TIPRL: variants seen among roughly 807,000 people sequenced by gnomAD.
TIPRL encodes TIP41-like protein.
Under a neutral mutation model 32.3 loss-of-function variants are expected in TIPRL, and 10 were observed. That is an observed-to-expected ratio of 0.31 (90% CI 0.19 to 0.52). The LOEUF is 0.52. Ranked by LOEUF, TIPRL falls within the 20% of genes least tolerant of loss-of-function variation. The pLI is 0.96. For synonymous variants in TIPRL, 100 were observed against 114.0 expected (o/e 0.88, Z 0.78); for missense variants, 250 against 328.1 (o/e 0.76, Z 1.84).
chr1:168,187,516 A>C (rs1260736355), intron 3 of TIPRL, among the ~76,000 whole-genome samples: 1 of 152,228 alleles, frequency 6.6e-6, no homozygotes, highest in African/African-American at 2.4e-5. Context: ...CAATGTGATT[A>C]CCCACTCACT....
chr1:168,191,574 G>A (rs993272698), intron 4 of TIPRL, 74 bp downstream of exon 4: 83 of 1,271,914 alleles, frequency 6.5e-5, no homozygotes, highest in Middle Eastern at 3.0e-4. Context: ...GACTCACTTT[G>A]AATAACACTG....
At chr1:168,199,795 G>A (rs896430482) in intron 6 of TIPRL, 108 bp from the exon 7 acceptor site, 1 of 1,112,184 alleles carries the variant, frequency 9.0e-7, no homozygotes, top group Admixed American at 2.5e-5. Context: ...TGCATATATT[G>A]CACCTGATTT....
intron 1 of TIPRL, among the ~76,000 whole-genome samples, chr1:168,182,743 C>A (rs1699983353): frequency 6.6e-6 from 1 of 152,208 alleles, no homozygotes; most frequent in South Asian, 2.1e-4. Context: ...TTTTATAGGA[C>A]TGCCACATTT....
chr1:168,192,792 A>G (rs898741164), intron 4 of TIPRL, among the ~76,000 whole-genome samples: 5 of 152,304 alleles, frequency 3.3e-5, no homozygotes, highest in South Asian at 2.1e-4. Flanking sequence ...AGGCTGAGGC[A>G]GGAGAATGGC....
At chr1:168,183,877 T>C in intron 1 of TIPRL, 25 bp from the exon 2 acceptor site, 1 of 1,592,274 alleles carries the variant, frequency 6.3e-7, no homozygotes, top group Non-Finnish European at 8.6e-7. Flanking sequence ...TAAAATTATC[T>C]CACCCGACTT....
chr1:168,194,067 GA>G (rs1258936795), intron 4 of TIPRL, among the ~76,000 whole-genome samples: 1 of 151,944 alleles, frequency 6.6e-6, no homozygotes, highest in African/African-American at 2.4e-5. Flanking sequence ...TTCTAAATAA[GA>G]AAAAGTATAA....
intron 3 of TIPRL, among the ~76,000 whole-genome samples, chr1:168,189,176 C>T (rs1010277653): frequency 3.3e-5 from 5 of 152,184 alleles, no homozygotes; most frequent in African/African-American, 1.2e-4. Flanking sequence ...CAGCCAAGTA[C>T]AGACTTACTT....
intron 4 of TIPRL, 93 bp downstream of exon 4, chr1:168,191,593 C>G (rs971213145): frequency 8.8e-7 from 1 of 1,136,576 alleles, no homozygotes; most frequent in African/African-American, 1.6e-5. Flanking sequence ...TGAGCCTGGC[C>G]GGGCGCGGTG....
Position 168,184,836 on chromosome 1 carries a change from A to G in TIPRL, c.342A>G (p.Thr114=), listed in dbSNP as rs1192645384. ...VIKPYDWTYT[T]DYKGTLLGES... ...AACCATATGATTGGACCTATACAACAGATTATAAGGGAACCTTACTTGGAG... is the reference window on the plus strand; with the variant it reads ...AACCATATGATTGGACCTATACAACGGATTATAAGGGAACCTTACTTGGAG... Residue 114 remains threonine, a synonymous_variant, in exon 3 of 7, where the codon ACA becomes ACG. Coordinates refer to ENST00000367833, the MANE Select transcript of TIPRL (RefSeq NM_152902.5). The G allele has an allele frequency of 5.6e-6, 9 of 1,612,452 alleles. No individual in the cohort carries two copies. The African/African-American group carries it at 9.3e-5, about 17-fold the overall frequency.
chr1:168,189,502 C>T (rs534936369), intron 3 of TIPRL, among the ~76,000 whole-genome samples: 3 of 152,182 alleles, frequency 2.0e-5, no homozygotes, highest in South Asian at 4.2e-4. Context: ...CCTGCCACCA[C>T]GATCAGCTAG....
At position 168,200,180 on chromosome 1, in the gene TIPRL, A is replaced by G. The variant is rs1700195208; in HGVS notation, c.*134A>G. 1.0e-6 allele frequency: 1 copy of G among 963,370 alleles called. No individual in the cohort carries two copies. The highest frequency in any genetic ancestry group is 2.8e-5 in the East Asian group (1 of 36,228). 59.7% of individuals were successfully genotyped at this position (963,370 alleles called of 1,614,324 possible). A position where few individuals can be genotyped will look rare whatever the true frequency, so the allele number is the denominator to read the frequency against. On this transcript the variant is annotated 3_prime_UTR_variant, in exon 7 of 7. Coordinates refer to ENST00000367833, the MANE Select transcript of TIPRL (RefSeq NM_152902.5). ...CTGTAGCCTTAAAGGAAAAAAAAAT[A>G]AAGATCGTTACAGGCAGGTTTCACT...
intron 3 of TIPRL, among the ~76,000 whole-genome samples, chr1:168,186,167 A>G (rs1700025636): frequency 6.6e-6 from 1 of 150,872 alleles, no homozygotes; most frequent in Admixed American, 6.6e-5. Context: ...TTGTGAAGTT[A>G]GCTGCATTTT....
intron 1 of TIPRL, among the ~76,000 whole-genome samples, chr1:168,180,569 A>G (rs981796178): frequency 6.6e-6 from 1 of 152,248 alleles, no homozygotes; most frequent in African/African-American, 2.4e-5. Flanking sequence ...AGGTCATAAA[A>G]TAGAACCCTA....
chr1:168,196,484 A>G, intron 4 of TIPRL, 63 bp from the exon 5 acceptor site: 1 of 1,216,718 alleles, frequency 8.2e-7, no homozygotes, highest in South Asian at 1.8e-5. Context: ...TTTTTCTTTC[A>G]GCAAAGTAAT....
At chr1:168,192,660 A>C (rs1384688157) in intron 4 of TIPRL, among the ~76,000 whole-genome samples, 1 of 152,218 alleles carries the variant, frequency 6.6e-6, no homozygotes, top group Non-Finnish European at 1.5e-5. Flanking sequence ...GCACTTTGGG[A>C]GGCCGAGGCG....
At chr1:168,183,150 G>A (rs1385962553) in intron 1 of TIPRL, among the ~76,000 whole-genome samples, 2 of 151,786 alleles carry the variant, frequency 1.3e-5, no homozygotes, top group South Asian at 2.1e-4. Flanking sequence ...TTAAACATTT[G>A]TAATGGTTCC....
intron 1 of TIPRL, 86 bp downstream of exon 1, chr1:168,179,267 C>G: frequency 8.3e-7 from 1 of 1,208,632 alleles, no homozygotes; most frequent in Non-Finnish European, 1.2e-6. Flanking sequence ...AGCCCCTCCC[C>G]TTTTCCCTGA....
intron 3 of TIPRL, 105 bp from the exon 4 acceptor site, chr1:168,191,264 T>C (rs2102310385): frequency 9.6e-7 from 1 of 1,040,290 alleles, no homozygotes; most frequent in East Asian, 2.9e-5. Context: ...TCTGGCTATG[T>C]AGAAAAGACT....
intron 5 of TIPRL, among the ~76,000 whole-genome samples, chr1:168,198,032 A>G (rs531126537): frequency 1.1e-4 from 17 of 152,294 alleles, no homozygotes; most frequent in Non-Finnish European, 1.9e-4. Context: ...GCCATTAATT[A>G]AATTGTTTAT....
Sources: gnomAD v4.1 joint callset for allele counts (sites outside exome capture counted in the v4.1 genomes callset) on GRCh38, gnomAD v4.1.1 for gene constraint, MANE v1.5 for transcripts, NCBI Gene and HGNC (gene_info 2026-07-23, HGNC 2026-07-21) for gene names.